The following CNTLN variants were observed in gnomAD, a reference collection of about 807,000 sequenced individuals.
CNTLN encodes centlein, centrosomal protein.
A neutral mutation model predicts 180.0 loss-of-function variants in CNTLN; 212 were observed. The ratio of observed to expected loss-of-function variants is 1.18; its 90% CI spans 1.05 to 1.32. The LOEUF is 1.32. Among genes scored for constraint, CNTLN ranks in the 40% most tolerant of loss-of-function variants. CNTLN has a pLI of 0.00. For synonymous variants in CNTLN, 722 were observed against 563.1 expected (o/e 1.28, Z -3.99); for missense variants, 2,095 against 1,610.9 (o/e 1.30, Z -5.14).
intron 5 of CNTLN, among the ~76,000 whole-genome samples, chr9:17,271,383 T>A (rs750850798): frequency 9.9e-5 from 15 of 152,192 alleles, no homozygotes; most frequent in Non-Finnish European, 1.6e-4. Context: ...CCACCTGTAC[T>A]AAGGGGTGCA....
intron 3 of CNTLN, among the ~76,000 whole-genome samples, chr9:17,233,711 A>C (rs530319486): frequency 6.9e-6 from 1 of 145,938 alleles, no homozygotes; most frequent in Non-Finnish European, 1.5e-5. Context: ...AATACTGTAC[A>C]TCAAGAAATT....
chr9:17,339,566 G>C (rs78658558), intron 10 of CNTLN, among the ~76,000 whole-genome samples: 3,178 of 152,308 alleles, frequency 0.021, 40 homozygotes, highest in Middle Eastern at 0.078. Flanking sequence ...ATGGAATTCA[G>C]ATCTTTCTGA....
intron 5 of CNTLN, among the ~76,000 whole-genome samples, chr9:17,238,922 A>C (rs2132175176): frequency 6.6e-6 from 1 of 152,330 alleles, no homozygotes; most frequent in South Asian, 2.1e-4. Context: ...GCGACAGTTT[A>C]CATTCAGACA....
At position 17,272,230 on chromosome 9, in the gene CNTLN, C is replaced by G. The variant is rs529096566; in HGVS notation, c.850-1503C>G. Among the ~76,000 whole-genome samples, 147 of 152,120 alleles carry G rather than the reference C, an allele frequency of 9.7e-4. 1 individual carries two copies. Among genetic ancestry groups the G allele is most frequent in the Non-Finnish European group, 1.4e-3 (93 of 68,014 alleles). On this transcript the variant is annotated intron_variant, in intron 5 of 25. Transcript: ENST00000380647. ...TAGCTGGGACTACAGGTGCGTGCCA[C>G]CATGCCCAACTAATTTTTGCATTTT...
chr9:17,450,085 C>T (rs907887743), intron 18 of CNTLN, among the ~76,000 whole-genome samples: 4 of 152,140 alleles, frequency 2.6e-5, no homozygotes, highest in African/African-American at 7.2e-5. Context: ...TTGAGAGTAG[C>T]GTATCTCTTA....
At chr9:17,367,417 C>T (rs1347188232) in intron 13 of CNTLN, among the ~76,000 whole-genome samples, 1 of 151,916 alleles carries the variant, frequency 6.6e-6, no homozygotes, top group African/African-American at 2.4e-5. Flanking sequence ...ACTGTCTAGG[C>T]CACAATGACT....
At chr9:17,344,642 G>A (rs1237398379) in intron 12 of CNTLN, among the ~76,000 whole-genome samples, 2 of 152,056 alleles carry the variant, frequency 1.3e-5, no homozygotes, top group African/African-American at 4.8e-5. Context: ...AAAAATAAAT[G>A]TCAAAAATGT....
intron 6 of CNTLN, among the ~76,000 whole-genome samples, chr9:17,292,892 A>T (rs670058): frequency 9.9e-5 from 15 of 151,846 alleles, no homozygotes; most frequent in Non-Finnish European, 1.6e-4. Flanking sequence ...GGCTTTTTGA[A>T]TTTTCATTGA....
chr9:17,163,839 C>G (rs1212952131), intron 2 of CNTLN, among the ~76,000 whole-genome samples: 1 of 152,000 alleles, frequency 6.6e-6, no homozygotes, highest in Non-Finnish European at 1.5e-5. Context: ...ACCAGCCTGG[C>G]CAACACAGTG....
intron 2 of CNTLN, among the ~76,000 whole-genome samples, chr9:17,214,938 C>G (rs1823624792): frequency 6.6e-6 from 1 of 152,142 alleles, no homozygotes; most frequent in African/African-American, 2.4e-5. Context: ...ACTGGTTATT[C>G]TAGTTAGCCA....
intron 2 of CNTLN, among the ~76,000 whole-genome samples, chr9:17,217,933 A>T (rs1317017426): frequency 3.9e-5 from 6 of 152,122 alleles, no homozygotes; most frequent in African/African-American, 1.4e-4. Flanking sequence ...AGAGTATCTG[A>T]TCTTATTTAA....
chr9:17,178,014 G>A (rs182462737), intron 2 of CNTLN, among the ~76,000 whole-genome samples: 2 of 151,884 alleles, frequency 1.3e-5, no homozygotes, highest in Non-Finnish European at 2.9e-5. Flanking sequence ...AGATTAGCTA[G>A]ATATAGAGTG....
rs1325640940 is a variant in CNTLN, at chr9:17,288,733, G to A, written c.984-9457G>A. Among the ~76,000 whole-genome samples the A allele has an allele frequency of 4.3e-5, 6 of 138,476 alleles. 2 individuals carry two copies. Among genetic ancestry groups the A allele is most frequent in the Non-Finnish European group, 9.1e-5 (6 of 65,822 alleles). The allele number at this position is 138,476 out of a possible 152,430, so 90.8% of individuals were successfully genotyped here. A position where few individuals can be genotyped will look rare whatever the true frequency, so the allele number is the denominator to read the frequency against. On this transcript the variant is annotated intron_variant, in intron 6 of 25. Transcript: ENST00000380647. ...ATATTTAGGATAGTTAGCTCTTCTT[G>A]TTGAATTGATCCCTTTACCATTATG...
intron 2 of CNTLN, among the ~76,000 whole-genome samples, chr9:17,214,959 C>CT (rs1293007878): frequency 1.3e-5 from 2 of 152,130 alleles, no homozygotes; most frequent in Non-Finnish European, 2.9e-5. Flanking sequence ...TTTGTCTAAT[C>CT]TTTTTTGAAG....
chr9:17,470,158 T>A (rs1831977244), intron 23 of CNTLN, among the ~76,000 whole-genome samples: 1 of 151,964 alleles, frequency 6.6e-6, no homozygotes, highest in Admixed American at 6.6e-5. Flanking sequence ...TCATTTGTTG[T>A]CTTCAGGGTA....
chr9:17,400,532 T>C lies in CNTLN; in HGVS notation c.2615+5463T>C, dbSNP rs947271383. On this transcript the variant is annotated intron_variant, in intron 15 of 25. Coordinates refer to ENST00000380647, the MANE Select transcript of CNTLN (RefSeq NM_017738.4). ...CAAATCCTAACTCTCATCCTCTAGC[T>C]GTGTGACCATAGGCATGCTATTTGA... Among the ~76,000 whole-genome samples the C allele has an allele frequency of 1.8e-4, 27 of 152,330 alleles. 1 individual carries two copies. In the East Asian group the frequency reaches 5.2e-3, roughly 29 times the overall value.
At chr9:17,311,088 G>A (rs1031879539) in intron 8 of CNTLN, among the ~76,000 whole-genome samples, 1 of 151,646 alleles carries the variant, frequency 6.6e-6, no homozygotes, top group Non-Finnish European at 1.5e-5. Flanking sequence ...GCAATGGTGC[G>A]ATCTCAGCTC....
intron 10 of CNTLN, among the ~76,000 whole-genome samples, chr9:17,334,910 TAAAA>T (rs71303378): frequency 8.2e-6 from 1 of 122,586 alleles, no homozygotes; most frequent in East Asian, 2.4e-4. Flanking sequence ...AATCTAAAAT[TAAAA>T]AAAAAAAAAA....
At chr9:17,425,771 T>G (rs1829040660) in intron 18 of CNTLN, among the ~76,000 whole-genome samples, 1 of 152,204 alleles carries the variant, frequency 6.6e-6, no homozygotes, top group African/African-American at 2.4e-5. Context: ...GGCTGAATTG[T>G]GTTCTAGTGT....
Sources: gnomAD v4.1 joint callset for allele counts (sites outside exome capture counted in the v4.1 genomes callset) on GRCh38, gnomAD v4.1.1 for gene constraint, MANE v1.5 for transcripts, NCBI Gene and HGNC (gene_info 2026-07-23, HGNC 2026-07-21) for gene names.